CCDC178: variants seen among roughly 807,000 people sequenced by gnomAD.
CCDC178 encodes coiled-coil domain containing 178, also known as coiled-coil domain-containing protein 178.
A neutral mutation model predicts 117.4 loss-of-function variants in CCDC178; 126 were observed. The ratio of observed to expected loss-of-function variants is 1.07; its 90% CI spans 0.93 to 1.24. CCDC178 has a LOEUF of 1.24. Among genes scored for constraint, CCDC178 ranks in the 50% most tolerant of loss-of-function variants. CCDC178 has a pLI of 0.00. For missense variants in CCDC178, 1,030 were observed against 986.9 expected (o/e 1.04, Z -0.59); for synonymous variants, 283 against 313.4 (o/e 0.90, Z 1.02).
intron 21 of CCDC178, among the ~76,000 whole-genome samples, chr18:33,058,760 A>G (rs2056871558): frequency 6.6e-6 from 1 of 152,130 alleles, no homozygotes; most frequent in Non-Finnish European, 1.5e-5. Flanking sequence ...AGGTTTAACA[A>G]TTTGGAAACT....
In CCDC178 at chr18:33,209,368, T is replaced by G. The variant is rs187519038; in HGVS notation, c.2238+2528A>C. On this transcript the variant is annotated intron_variant, in intron 20 of 22. Transcript: ENST00000383096. ...GGTATTTCTAATTCTATTGTGTGTTTTCTCATATTCTCCATTAACTCTTGT... is the reference window on the plus strand; with the variant it reads ...GGTATTTCTAATTCTATTGTGTGTTGTCTCATATTCTCCATTAACTCTTGT... 1.2e-3 allele frequency among the ~76,000 whole-genome samples: 186 copies of G among 152,162 alleles called. 1 individual carries two copies. The highest frequency in any genetic ancestry group is 4.1e-3 in the African/African-American group (172 of 41,562).
intron 10 of CCDC178, 39 bp from the exon 11 acceptor site, chr18:33,323,672 T>C: frequency 2.4e-6 from 3 of 1,264,820 alleles, no homozygotes; most frequent in South Asian, 3.9e-5. Context: ...TTGCACTTAA[T>C]GGTTAATTAA....
At chr18:33,066,851 G>C in intron 21 of CCDC178, among the ~76,000 whole-genome samples, 1 of 152,092 alleles carries the variant, frequency 6.6e-6, no homozygotes, top group East Asian at 1.9e-4. Flanking sequence ...TCAGATATAT[G>C]AAGCAAATAT....
intron 21 of CCDC178, among the ~76,000 whole-genome samples, chr18:32,990,405 A>G (rs952786042): frequency 2.0e-5 from 3 of 152,116 alleles, no homozygotes; most frequent in African/African-American, 7.2e-5. Context: ...ATAAGAATAG[A>G]CGTAGTAATC....
intron 20 of CCDC178, among the ~76,000 whole-genome samples, chr18:33,199,343 T>A (rs1408117711): frequency 6.6e-6 from 1 of 152,208 alleles, no homozygotes; most frequent in African/African-American, 2.4e-5. Context: ...TGCCACTCAA[T>A]GGTCTCCTGG....
intron 20 of CCDC178, among the ~76,000 whole-genome samples, 196 bp from the exon 21 acceptor site, chr18:33,093,106 T>C (rs921497098): frequency 2.6e-5 from 4 of 152,152 alleles, no homozygotes; most frequent in African/African-American, 9.7e-5. Context: ...TAATATTCTT[T>C]TTTGATGCAG....
chr18:33,305,419 C>T (rs546075270), intron 11 of CCDC178, among the ~76,000 whole-genome samples: 26 of 152,234 alleles, frequency 1.7e-4, no homozygotes, highest in African/African-American at 6.0e-4. Context: ...GGATGCCTGG[C>T]ACAAGGTCGT....
intron 12 of CCDC178, among the ~76,000 whole-genome samples, chr18:33,291,826 G>C (rs1219660762): frequency 6.6e-6 from 1 of 152,160 alleles, no homozygotes; most frequent in Non-Finnish European, 1.5e-5. Flanking sequence ...GGAAACAAAG[G>C]CTTCAGTTCT....
chr18:33,266,090 C>T (rs996788327), intron 14 of CCDC178, among the ~76,000 whole-genome samples: 2 of 151,950 alleles, frequency 1.3e-5, no homozygotes, highest in South Asian at 4.1e-4. Context: ...ACATAAGATC[C>T]TCCATATCTG....
chr18:33,422,354 AATT>A (rs2064037954), intron 2 of CCDC178, among the ~76,000 whole-genome samples: 1 of 152,028 alleles, frequency 6.6e-6, no homozygotes, highest in Non-Finnish European at 1.5e-5. Flanking sequence ...CTCTCTGGCC[AATT>A]ATTCTATTTT....
At position 33,346,417 on chromosome 18, in the gene CCDC178, A is replaced by G. The variant is rs748769679; in HGVS notation, c.458-6T>C. 4 of 1,587,630 alleles carry G rather than the reference A, an allele frequency of 2.5e-6. No individual in the cohort carries two copies. In the South Asian group the frequency reaches 4.5e-5, roughly 18 times the overall value. On this transcript the variant is annotated splice_region_variant and splice_polypyrimidine_tract_variant and intron_variant, in intron 8 of 22. Transcript: ENST00000383096. ...TAACTCTGGACACTTTTCATCTTAA[A>G]CAGAAATAAATATTCACATTTGTTA...
chr18:33,426,804 T>C (rs142302918), intron 2 of CCDC178, among the ~76,000 whole-genome samples: 1,602 of 152,260 alleles, frequency 0.011, 28 homozygotes, highest in African/African-American at 0.037. Context: ...TTATTTTTTA[T>C]AATCAAAGCC....
intron 20 of CCDC178, among the ~76,000 whole-genome samples, chr18:33,173,225 T>C (rs2058625157): frequency 6.6e-6 from 1 of 152,110 alleles, no homozygotes; most frequent in Non-Finnish European, 1.5e-5. Context: ...AATTTTTGTA[T>C]TTTTAGTAGA....
intron 22 of CCDC178, among the ~76,000 whole-genome samples, chr18:32,951,045 T>C (rs1184077297): frequency 1.3e-5 from 2 of 152,154 alleles, no homozygotes; most frequent in Non-Finnish European, 2.9e-5. Flanking sequence ...ATTTGTTTTG[T>C]CAAAAGAAAA....
chr18:33,278,282 CATATATATATATATATATATAT>C (rs36227101), intron 12 of CCDC178, among the ~76,000 whole-genome samples: 1 of 141,394 alleles, frequency 7.1e-6, no homozygotes, highest in Non-Finnish European at 1.5e-5. Context: ...TACACAAATA[CATATATATATATATATATATAT>C]ATATATATAT....
At chr18:33,192,869 C>T (rs1314755274) in intron 20 of CCDC178, among the ~76,000 whole-genome samples, 1 of 137,706 alleles carries the variant, frequency 7.3e-6, no homozygotes, top group Non-Finnish European at 1.6e-5. Flanking sequence ...CCACTGTACT[C>T]CAGCCTGGGT....
chr18:33,165,223 C>T (rs1362956612), intron 20 of CCDC178, among the ~76,000 whole-genome samples: 1 of 152,072 alleles, frequency 6.6e-6, no homozygotes, highest in African/African-American at 2.4e-5. Flanking sequence ...GTGCAGTGCA[C>T]ATGCCTGTAG....
chr18:33,065,557 G>C (rs765621890), intron 21 of CCDC178, among the ~76,000 whole-genome samples: 18 of 152,246 alleles, frequency 1.2e-4, no homozygotes, highest in Non-Finnish European at 2.2e-4. Context: ...TGCAAAAAAA[G>C]ATATACATGT....
chr18:32,946,904 GGAGTAGCTGGGAC>G (rs980351661), intron 22 of CCDC178, among the ~76,000 whole-genome samples: 1 of 151,154 alleles, frequency 6.6e-6, no homozygotes, highest in African/African-American at 2.4e-5. Context: ...CTTAGCCTCC[GGAGTAGCTGGGAC>G]TACCGGCACG....
Sources: gnomAD v4.1 joint callset for allele counts (sites outside exome capture counted in the v4.1 genomes callset) on GRCh38, gnomAD v4.1.1 for gene constraint, MANE v1.5 for transcripts, NCBI Gene and HGNC (gene_info 2026-07-23, HGNC 2026-07-21) for gene names.